The following LCLAT1 variants were observed in gnomAD, a reference collection of about 807,000 sequenced individuals.
LCLAT1 encodes lysocardiolipin acyltransferase 1.
A neutral mutation model predicts 30.7 loss-of-function variants in LCLAT1; 11 were observed. The observed-to-expected ratio is 0.36, with a 90% CI of 0.23 to 0.59. LCLAT1 has a LOEUF of 0.59. LCLAT1 is among the 20% of genes least tolerant of loss of function. The pLI, the probability that LCLAT1 is intolerant of heterozygous loss-of-function variation, is 0.77. For missense variants in LCLAT1, 402 were observed against 458.6 expected (o/e 0.88, Z 1.13); for synonymous variants, 155 against 151.3 (o/e 1.02, Z -0.18).
In LCLAT1 at chr2:30,533,257, T is replaced by C; in HGVS notation, c.307T>C (p.Tyr103His). ...GTGGAATTGCCTGATGCGATATAGC[T>C]ACCTCAGATTGGAGAAAATTTGCCT... The part of the protein sequence containing the change: ...FLWNCLMRYS[Y>H]LRLEKICLKA... Residue 103 changes from tyrosine (Y) to histidine (H), a missense_variant, in exon 3 of 6, where the codon TAC becomes CAC. Transcript: ENST00000379509. The C allele has an allele frequency of 6.2e-7, 1 of 1,614,130 alleles. No individual in the cohort carries two copies. Among genetic ancestry groups the C allele is most frequent in the Non-Finnish European group, 8.5e-7 (1 of 1,179,960 alleles).
chr2:30,485,739 T>C (rs1329700715), intron 1 of LCLAT1, among the ~76,000 whole-genome samples: 2 of 152,182 alleles, frequency 1.3e-5, no homozygotes, highest in Admixed American at 6.5e-5. Context: ...AAATAGTAGA[T>C]TATGCCATTT....
In LCLAT1 at chr2:30,533,121, A is replaced by G. The variant is rs367870291; in HGVS notation, c.171A>G (p.Leu57=). ...TATCTGTATTGTTTTCTTAGGCATT[A>G]TTGGAGACCATGTTTGGTGTAAAAG... ...VATWLTLPVA[L]LETMFGVKVI... Residue 57 remains leucine, a synonymous_variant, in exon 3 of 6, where the codon TTA becomes TTG. Coordinates refer to ENST00000379509, the MANE Select transcript of LCLAT1 (RefSeq NM_001002257.3). The G allele has an allele frequency of 2.5e-6, 4 of 1,611,548 alleles. No homozygotes were observed. In the African/African-American group the frequency reaches 4.0e-5, roughly 16 times the overall value.
intron 5 of LCLAT1, among the ~76,000 whole-genome samples, chr2:30,638,349 C>T (rs888337365): frequency 6.6e-6 from 1 of 152,118 alleles, no homozygotes; most frequent in Admixed American, 6.6e-5. Context: ...TCTGATTTTT[C>T]TGACATATGT....
At chr2:30,538,635 C>CA (rs576795642) in intron 3 of LCLAT1, among the ~76,000 whole-genome samples, 35 of 142,498 alleles carry the variant, frequency 2.5e-4, no homozygotes, top group Middle Eastern at 3.6e-3. Context: ...GACTCCATCT[C>CA]AAAAAAAAAT....
At chr2:30,613,135 A>G (rs1202235273) in intron 5 of LCLAT1, among the ~76,000 whole-genome samples, 2 of 152,166 alleles carry the variant, frequency 1.3e-5, no homozygotes, top group South Asian at 2.1e-4. Context: ...CAGTGTGGCT[A>G]GACCAGATCA....
intron 1 of LCLAT1, among the ~76,000 whole-genome samples, chr2:30,469,673 G>T (rs1472435240): frequency 6.6e-6 from 1 of 151,270 alleles, no homozygotes. Flanking sequence ...CCGCCTCTGG[G>T]GTTCAAGCGA....
chr2:30,626,810 A>G (rs1668534666), intron 5 of LCLAT1, among the ~76,000 whole-genome samples: 1 of 151,944 alleles, frequency 6.6e-6, no homozygotes, highest in Non-Finnish European at 1.5e-5. Flanking sequence ...TGTATCCTAT[A>G]GATTCTCTTT....
intron 3 of LCLAT1, among the ~76,000 whole-genome samples, chr2:30,536,877 G>A (rs1260338781): frequency 6.6e-6 from 1 of 152,170 alleles, no homozygotes; most frequent in Admixed American, 6.5e-5. Flanking sequence ...AACCTTGAAT[G>A]TAAAGCATTT....
intron 1 of LCLAT1, among the ~76,000 whole-genome samples, chr2:30,518,990 CA>C (rs895359840): frequency 2.0e-5 from 3 of 152,312 alleles, no homozygotes; most frequent in Non-Finnish European, 2.9e-5. Flanking sequence ...TTAAGCCACC[CA>C]AACACTCTTA....
chr2:30,495,999 C>T (rs1175783044), intron 1 of LCLAT1, among the ~76,000 whole-genome samples: 2 of 152,034 alleles, frequency 1.3e-5, no homozygotes, highest in African/African-American at 4.8e-5. Flanking sequence ...GCTCATGGTG[C>T]CACAGGCTGT....
intron 1 of LCLAT1, among the ~76,000 whole-genome samples, chr2:30,467,752 G>C (rs1242130903): frequency 2.0e-5 from 3 of 152,184 alleles, no homozygotes; most frequent in African/African-American, 7.2e-5. Context: ...AGAAGTGTCT[G>C]TTCATATCCT....
At chr2:30,636,713 CAAG>C (rs1341221417) in intron 5 of LCLAT1, among the ~76,000 whole-genome samples, 2 of 152,146 alleles carry the variant, frequency 1.3e-5, no homozygotes, top group African/African-American at 4.8e-5. Context: ...TATAGATCAT[CAAG>C]AAGAAGGAAG....
rs1476394506 is a variant in LCLAT1 at position 30,588,077 on chromosome 2, C to G, written c.628+19901C>G. Among the ~76,000 whole-genome samples the G allele has an allele frequency of 2.0e-5, 3 of 152,194 alleles. No individual in the cohort carries two copies. The South Asian group carries it at 6.2e-4, about 32-fold the overall frequency. ...GACCCTCTGGTAGAAGCCTTCCTTG[C>G]AAAATCCATGTGAGGAAGCCACCTT... On this transcript the variant is annotated intron_variant, in intron 5 of 5. Coordinates refer to ENST00000379509, the MANE Select transcript of LCLAT1 (RefSeq NM_001002257.3).
intron 1 of LCLAT1, among the ~76,000 whole-genome samples, chr2:30,482,194 A>T (rs1487916172): frequency 6.6e-6 from 1 of 152,226 alleles, no homozygotes; most frequent in Non-Finnish European, 1.5e-5. Flanking sequence ...TAGGGATTGC[A>T]TTTGGCAGTT....
intron 5 of LCLAT1, among the ~76,000 whole-genome samples, chr2:30,585,907 A>G (rs1261193800): frequency 1.3e-5 from 2 of 152,146 alleles, no homozygotes; most frequent in African/African-American, 4.8e-5. Flanking sequence ...TGGTTGCTGT[A>G]TTAATTTTCT....
At chr2:30,508,135 G>C (rs553415521) in intron 1 of LCLAT1, among the ~76,000 whole-genome samples, 22 of 151,760 alleles carry the variant, frequency 1.4e-4, no homozygotes, top group Middle Eastern at 3.4e-3. Context: ...CTTTTTAATG[G>C]GTTTTTCTCT....
In LCLAT1 at chr2:30,571,972, G is replaced by T. The variant is rs75277374; in HGVS notation, c.628+3796G>T. On this transcript the variant is annotated intron_variant, in intron 5 of 5. Transcript: ENST00000379509. ...AATGAGATTTGTACACTGATGAGTGGATAAGCACCTGGATCACCTAAGTGA... is the reference window on the plus strand; with the variant it reads ...AATGAGATTTGTACACTGATGAGTGTATAAGCACCTGGATCACCTAAGTGA... Among the ~76,000 whole-genome samples the T allele has an allele frequency of 8.9e-3, 1,359 of 152,272 alleles. 17 individuals are homozygous for T. The highest frequency in any genetic ancestry group is 0.03 in the African/African-American group (1,265 of 41,560).
At chr2:30,600,484 A>C (rs1356112879) in intron 5 of LCLAT1, among the ~76,000 whole-genome samples, 1 of 152,210 alleles carries the variant, frequency 6.6e-6, no homozygotes, top group Non-Finnish European at 1.5e-5. Context: ...ACAAACTCCA[A>C]AGCTAGCAGA....
chr2:30,576,699 C>T (rs905622463), intron 5 of LCLAT1, among the ~76,000 whole-genome samples: 24 of 151,814 alleles, frequency 1.6e-4, no homozygotes, highest in African/African-American at 5.8e-4. Context: ...TTGGGTTTGT[C>T]CAAAAAAGGT....
Sources: gnomAD v4.1 joint callset for allele counts (sites outside exome capture counted in the v4.1 genomes callset) on GRCh38, gnomAD v4.1.1 for gene constraint, MANE v1.5 for transcripts, NCBI Gene and HGNC (gene_info 2026-07-23, HGNC 2026-07-21) for gene names.